The following SCUBE1 variants were observed in gnomAD, a reference collection of about 807,000 sequenced individuals.
The protein encoded by SCUBE1 is signal peptide, CUB domain and EGF like domain containing 1.
In SCUBE1, 59 loss-of-function variants were observed where a neutral mutation model predicts 124.4. The observed-to-expected ratio is 0.47, with a 90% CI of 0.38 to 0.59. The LOEUF (loss-of-function observed/expected upper bound fraction) is 0.59. Ranked by LOEUF, SCUBE1 falls within the 20% of genes least tolerant of loss-of-function variation. The pLI is 0.00. For synonymous variants in SCUBE1, 545 were observed against 550.9 expected (o/e 0.99, Z 0.15); for missense variants, 1,150 against 1,371.2 (o/e 0.84, Z 2.55).
At position 43,210,871 on chromosome 22, in the gene SCUBE1, C is replaced by A; in HGVS notation, c.2383+51G>T. On this transcript the variant is annotated intron_variant, in intron 18 of 21. Transcript: ENST00000360835. The surrounding 1 kb of genome is among the most constrained non-coding windows in gnomAD (Gnocchi z 4.5). ...GGTCTCCTCCCGCCCCCACAACCTG[C>A]CCAGCCCCTCCCGTGTTCCCAGCTT... 1.2e-6 allele frequency: 2 copies of A among 1,606,838 alleles called. No homozygotes were observed. Among genetic ancestry groups the A allele is most frequent in the Non-Finnish European group, 1.7e-6 (2 of 1,174,850 alleles).
At position 43,202,896 on chromosome 22, in the gene SCUBE1, G is replaced by A. The variant is rs1245355757; in HGVS notation, c.*1101C>T. The A allele has an allele frequency of 6.6e-6, 1 of 152,318 alleles. No homozygotes were observed. Among genetic ancestry groups the A allele is most frequent in the Non-Finnish European group, 1.5e-5 (1 of 68,100 alleles). 9.4% of individuals were successfully genotyped at this position (152,318 alleles called of 1,614,324 possible). The stretch of plus-strand genomic sequence containing the variant: ...GTGGTGGTACAGCCTGTGCTCCTGT[G>A]AGCAAGGCCTTGTTTCCTGCTGACA... On this transcript the variant is annotated 3_prime_UTR_variant, in exon 22 of 22. Transcript: ENST00000360835.
chr22:43,317,854 G>T (rs1926405164), intron 3 of SCUBE1, among the ~76,000 whole-genome samples: 1 of 152,124 alleles, frequency 6.6e-6, no homozygotes, highest in African/African-American at 2.4e-5. Context: ...AGATTGTTAG[G>T]GTGGGCCTAA....
Position 43,225,105 on chromosome 22 carries a change from T to G in SCUBE1, c.1208-1889A>C, listed in dbSNP as rs138126410. Among the ~76,000 whole-genome samples the G allele has an allele frequency of 9.6e-3, 1,455 of 152,282 alleles. 18 individuals carry two copies. The highest frequency in any genetic ancestry group is 0.033 in the African/African-American group (1,373 of 41,552). On this transcript the variant is annotated intron_variant, in intron 10 of 21. Transcript: ENST00000360835. ...CTTCTGCCACTGGTATACCTTGGCCTCAGTTTCCTCCCACTCAAACCTTCC... is the reference window on the plus strand; with the variant it reads ...CTTCTGCCACTGGTATACCTTGGCCGCAGTTTCCTCCCACTCAAACCTTCC...
Position 43,214,093 on chromosome 22 carries a change from C to G in SCUBE1, c.2050G>C (p.Gly684Arg). The G allele has an allele frequency of 7.0e-7, 1 of 1,433,514 alleles. No homozygotes were observed. The highest frequency in any genetic ancestry group is 9.4e-7 in the Non-Finnish European group (1 of 1,067,114). 88.8% of individuals were successfully genotyped at this position (1,433,514 alleles called of 1,614,324 possible). ...CTCCTTCTAGGCCCGCACTTGCCTC[C>G]ACATTCCGACACGTTGCGGGCACCA... ...LPGARNVSEC[G>R]GQCSPGFFSA... Residue 684 changes from glycine to arginine, a missense_variant, in exon 16 of 22, where the codon GGA (glycine) becomes CGA (arginine). This residue lies in a region of SCUBE1 where 757 missense variants were observed against 840.9 expected (regional missense o/e 0.90). Coordinates refer to ENST00000360835, the MANE Select transcript of SCUBE1 (RefSeq NM_173050.5).
At chr22:43,294,182 G>A (rs1287891708) in intron 3 of SCUBE1, among the ~76,000 whole-genome samples, 2 of 152,224 alleles carry the variant, frequency 1.3e-5, no homozygotes, top group Non-Finnish European at 2.9e-5. Context: ...TTCCCACTGC[G>A]GTCCAAACAG....
rs117807969 is a variant in SCUBE1 at position 43,337,338 on chromosome 22, G to C, written c.220+1766C>G. ...CAGGAGAGGGCCTAAGGAGGAGCTG[G>C]GCTTGGGAAGGAAGAGGCCAGGTCA... On this transcript the variant is annotated intron_variant, in intron 2 of 21. Coordinates refer to ENST00000360835, the MANE Select transcript of SCUBE1 (RefSeq NM_173050.5). 4.5e-3 allele frequency among the ~76,000 whole-genome samples: 678 copies of C among 152,310 alleles called. 10 individuals carry two copies. The East Asian group carries it at 0.048, about 11-fold the overall frequency.
chr22:43,236,403 G>A (rs1246526004), intron 7 of SCUBE1, among the ~76,000 whole-genome samples: 1 of 152,232 alleles, frequency 6.6e-6, no homozygotes, highest in East Asian at 1.9e-4. Context: ...TGCCAGTCCT[G>A]CCTTGGCACT....
intron 4 of SCUBE1, among the ~76,000 whole-genome samples, chr22:43,277,208 T>C (rs967466231): frequency 6.6e-6 from 1 of 152,046 alleles, no homozygotes; most frequent in Non-Finnish European, 1.5e-5. Context: ...GGGAGCTGTG[T>C]GGGCAGAGGC....
intron 4 of SCUBE1, among the ~76,000 whole-genome samples, chr22:43,269,296 C>T (rs1031346532): frequency 3.9e-5 from 6 of 152,134 alleles, no homozygotes; most frequent in African/African-American, 1.4e-4. Context: ...TTCGATCATT[C>T]TTGGGTACTC....
rs1224169330 is a variant in SCUBE1 at position 43,231,823 on chromosome 22, G to A, written c.897C>T (p.Asn299=). 1 of 1,613,502 alleles carries A rather than the reference G, an allele frequency of 6.2e-7. No individual in the cohort carries two copies. The highest frequency in any genetic ancestry group is 2.2e-5 in the East Asian group (1 of 44,876). Residue 299 remains asparagine (N), a synonymous_variant, in exon 8 of 22, where the codon AAC becomes AAT. Transcript: ENST00000360835. ...AGCCGCACTCGAAGCTGCCCACGGT[G>A]TTGCGGCAGAAGTGGTCGCAGCCTC... ...NNGGCDHFCR[N]TVGSFECGCR...
In SCUBE1 at chr22:43,273,946, G is replaced by T. The variant is rs12170396; in HGVS notation, c.485-11101C>A. 7.1e-3 allele frequency among the ~76,000 whole-genome samples: 1,085 copies of T among 152,258 alleles called. 13 individuals are homozygous for T. Among genetic ancestry groups the T allele is most frequent in the African/African-American group, 0.025 (1,026 of 41,558 alleles). On this transcript the variant is annotated intron_variant, in intron 4 of 21. Transcript: ENST00000360835. ...GGCTCCAGCTCAGATCCCTCAAGCT[G>T]CAGGGGGTGCTCTGTAAGGCTGGCC...
chr22:43,292,420 T>C (rs558836311), intron 3 of SCUBE1, among the ~76,000 whole-genome samples: 1 of 152,202 alleles, frequency 6.6e-6, no homozygotes, highest in Non-Finnish European at 1.5e-5. Flanking sequence ...CCCCCTGCTC[T>C]GTCAGTTTGT....
At chr22:43,219,308 A>C (rs1569498394) in intron 14 of SCUBE1, among the ~76,000 whole-genome samples, 1 of 152,062 alleles carries the variant, frequency 6.6e-6, no homozygotes, top group Non-Finnish European at 1.5e-5. Context: ...ATGTGATGCC[A>C]GCTGCTCTTC....
rs1555983938 is a variant in SCUBE1 at position 43,199,087 on chromosome 22, G to GTCTGTCTT, written c.*4909_*4910insAAGACAGA. On this transcript the variant is annotated 3_prime_UTR_variant, in exon 22 of 22. Coordinates refer to ENST00000360835, the MANE Select transcript of SCUBE1 (RefSeq NM_173050.5). ...GTCTGCTGTCCGGGGCAGTTTGTTT[G>GTCTGTCTT]TCTGTCTGCTGTCTGGGGCAGTTTG... 9.6e-3 allele frequency: 2,906 copies of GTCTGTCTT among 303,610 alleles called. 34 individuals are homozygous for GTCTGTCTT. Among genetic ancestry groups the GTCTGTCTT allele is most frequent in the African/African-American group, 0.027 (1,196 of 44,224 alleles). The allele number at this position is 303,610 out of a possible 1,614,324, so 18.8% of individuals were successfully genotyped here.
chr22:43,238,910 C>A lies in SCUBE1; in HGVS notation c.772G>T (p.Asp258Tyr). ...CTGCATCGCACGCCAGTGGCTGTGT[C>A]CTTGCATGTCCGGTCGCAGCCTCCG... ...NNGGCDRTCK[D>Y]TATGVRCSCP... Residue 258 changes from aspartate (D) to tyrosine (Y), a missense_variant, in exon 7 of 22, where the codon GAC becomes TAC. Around this residue, in one of 3 missense-constraint regions of SCUBE1, gnomAD observed 337 missense variants for 482.1 expected, o/e 0.70. Coordinates refer to ENST00000360835, the MANE Select transcript of SCUBE1 (RefSeq NM_173050.5). 1 of 1,613,130 alleles carries A rather than the reference C, an allele frequency of 6.2e-7. No homozygotes were observed. Among genetic ancestry groups the A allele is most frequent in the Non-Finnish European group, 8.5e-7 (1 of 1,180,006 alleles).
At chr22:43,216,006 C>A (rs1204222502) in intron 15 of SCUBE1, among the ~76,000 whole-genome samples, 4 of 151,886 alleles carry the variant, frequency 2.6e-5, no homozygotes, top group Non-Finnish European at 5.9e-5. Context: ...TTTTGTTCTG[C>A]TTGACAATGT....
At chr22:43,216,631 A>G (rs1227904951) in intron 15 of SCUBE1, among the ~76,000 whole-genome samples, 2 of 151,934 alleles carry the variant, frequency 1.3e-5, no homozygotes, top group Middle Eastern at 3.2e-3. Flanking sequence ...CAGCCTGGCT[A>G]CAGAGCGAGA....
intron 3 of SCUBE1, among the ~76,000 whole-genome samples, chr22:43,304,650 A>T (rs1448878866): frequency 6.6e-6 from 1 of 152,070 alleles, no homozygotes; most frequent in Non-Finnish European, 1.5e-5. Context: ...AGCACATGGT[A>T]TATATGGCTC....
chr22:43,216,629 C>T (rs1335717385), intron 15 of SCUBE1, among the ~76,000 whole-genome samples: 1 of 151,868 alleles, frequency 6.6e-6, no homozygotes, highest in Non-Finnish European at 1.5e-5. Flanking sequence ...TGCAGCCTGG[C>T]TACAGAGCGA....
Sources: gnomAD v4.1 joint callset for allele counts (sites outside exome capture counted in the v4.1 genomes callset) on GRCh38, gnomAD v4.1.1 for gene constraint, gnomAD v4.1.1 regional missense constraint, Gnocchi (gnomAD v3.1) non-coding constraint, MANE v1.5 for transcripts, NCBI Gene and HGNC (gene_info 2026-07-23, HGNC 2026-07-21) for gene names.